CRYL1: variants seen among roughly 807,000 people sequenced by gnomAD.
CRYL1 encodes lambda-crystallin homolog.
A neutral mutation model predicts 36.6 loss-of-function variants in CRYL1; 29 were observed. The ratio of observed to expected loss-of-function variants is 0.79; its 90% CI spans 0.59 to 1.08. The LOEUF (loss-of-function observed/expected upper bound fraction) is 1.08, where lower values mean the gene tolerates loss of function less well. CRYL1 is among the 50% of genes least tolerant of loss of function. The pLI is 0.00. For synonymous variants in CRYL1, 152 were observed against 151.5 expected (o/e 1.00, Z -0.02); for missense variants, 411 against 407.9 (o/e 1.01, Z -0.06).
chr13:20,525,287 T>A lies in CRYL1; in HGVS notation c.41+467A>T, dbSNP rs1356223049. Among the ~76,000 whole-genome samples, 1 of 152,182 alleles carries A rather than the reference T, an allele frequency of 6.6e-6. No homozygotes were observed. Among genetic ancestry groups the A allele is most frequent in the Non-Finnish European group, 1.5e-5 (1 of 68,026 alleles). On this transcript the variant is annotated intron_variant, in intron 1 of 7. Coordinates refer to ENST00000298248, the MANE Select transcript of CRYL1 (RefSeq NM_015974.3). The surrounding 1 kb of genome is among the most constrained non-coding windows in gnomAD (Gnocchi z 4.3). Reference sequence around the variant, plus strand: ...CCCTGCTGGGCTAGTCCTGTCTCCGTCACTAAACGCCTGTGACCTTAGGTA... The same window carrying A: ...CCCTGCTGGGCTAGTCCTGTCTCCGACACTAAACGCCTGTGACCTTAGGTA...
chr13:20,516,544 A>G (rs1388048738), intron 1 of CRYL1, among the ~76,000 whole-genome samples: 3 of 151,636 alleles, frequency 2.0e-5, no homozygotes, highest in Non-Finnish European at 4.4e-5. Flanking sequence ...CTGTGGGGGT[A>G]TCTCGGCTCA....
In CRYL1 at chr13:20,415,036, G is replaced by A. The variant is rs746751501; in HGVS notation, c.634-1649C>T. Among the ~76,000 whole-genome samples the A allele has an allele frequency of 1.3e-5, 2 of 152,108 alleles. No homozygotes were observed. The highest frequency in any genetic ancestry group is 3.9e-4 in the East Asian group (2 of 5,170). On this transcript the variant is annotated intron_variant, in intron 5 of 7. Transcript: ENST00000298248. This position sits in a 1 kb window ranked among gnomAD's most constrained non-coding sequence, Gnocchi z 4.1. ...CGCCTGCGAGAGCCCGACCGTGGAC[G>A]ATGCGTCGCGCCCTTCCCATCGCGG...
At chr13:20,430,838 T>C (rs12583181) in intron 5 of CRYL1, 4 of 985,294 alleles carry the variant, frequency 4.1e-6, no homozygotes, top group East Asian at 2.3e-4. Context: ...TCTAGACAAA[T>C]GGAAATATTT....
intron 3 of CRYL1, among the ~76,000 whole-genome samples, chr13:20,452,309 G>A (rs1236441460): frequency 6.8e-6 from 1 of 148,032 alleles, no homozygotes; most frequent in Non-Finnish European, 1.5e-5. Context: ...TACTTTAAAT[G>A]TATGGACTTA....
intron 5 of CRYL1, chr13:20,426,752 T>C (rs973870108): frequency 2.0e-6 from 2 of 985,380 alleles, no homozygotes; most frequent in Non-Finnish European, 1.2e-6. Flanking sequence ...ACTAAAACAA[T>C]GTCTCCTAAC....
At chr13:20,448,322 A>G (rs1031137340) in intron 3 of CRYL1, among the ~76,000 whole-genome samples, 1 of 152,156 alleles carries the variant, frequency 6.6e-6, no homozygotes, top group African/African-American at 2.4e-5. Flanking sequence ...ATAATCTAAC[A>G]TATGTGTAAT....
intron 5 of CRYL1, chr13:20,431,784 G>C: frequency 7.9e-7 from 1 of 1,265,672 alleles, no homozygotes; most frequent in East Asian, 4.1e-5. Flanking sequence ...GCCTCTGTGG[G>C]AAAATGCAGT....
Position 20,415,032 on chromosome 13 carries a change from G to A in CRYL1, c.634-1645C>T, listed in dbSNP as rs374125278. Among the ~76,000 whole-genome samples, 73 of 152,330 alleles carry A rather than the reference G, an allele frequency of 4.8e-4. No individual in the cohort carries two copies. The highest frequency in any genetic ancestry group is 1.7e-3 in the African/African-American group (69 of 41,588). On this transcript the variant is annotated intron_variant, in intron 5 of 7. Transcript: ENST00000298248. This position sits in a 1 kb window ranked among gnomAD's most constrained non-coding sequence, Gnocchi z 4.1. ...GGCCCGCCTGCGAGAGCCCGACCGT[G>A]GACGATGCGTCGCGCCCTTCCCATC...
Position 20,446,597 on chromosome 13 carries a change from T to C in CRYL1, c.277-6843A>G, listed in dbSNP as rs2032461661. 3.3e-5 allele frequency among the ~76,000 whole-genome samples: 5 copies of C among 152,234 alleles called. 1 individual carries two copies. The highest frequency in any genetic ancestry group is 3.3e-4 in the Admixed American group (5 of 15,274). ...GAACTAGCCAGACCAGAGAATCAGC[T>C]GATGACCAATAGGGTGACAAAAGCT... On this transcript the variant is annotated intron_variant, in intron 3 of 7. Coordinates refer to ENST00000298248, the MANE Select transcript of CRYL1 (RefSeq NM_015974.3).
intron 3 of CRYL1, among the ~76,000 whole-genome samples, chr13:20,466,963 T>TC (rs398117062): frequency 2.0e-5 from 3 of 151,910 alleles, no homozygotes; most frequent in East Asian, 1.9e-4. Flanking sequence ...TTTTTTTTTT[T>TC]CTGAGACGGA....
At chr13:20,446,712 A>AT (rs960716588) in intron 3 of CRYL1, among the ~76,000 whole-genome samples, 30 of 151,236 alleles carry the variant, frequency 2.0e-4, no homozygotes, top group African/African-American at 6.5e-4. Context: ...CACCTCTAGA[A>AT]TTTTTTTTGT....
At chr13:20,505,359 C>CAAAAAAAAAAAAAAT (rs2033775721) in intron 2 of CRYL1, among the ~76,000 whole-genome samples, 1 of 91,222 alleles carries the variant, frequency 1.1e-5, no homozygotes, top group Non-Finnish European at 2.3e-5. Flanking sequence ...TCTATCCCAC[C>CAAAAAAAAAAAAAAT]AAAAAAAAAA....
chr13:20,416,345 T>C (rs1325788673), intron 5 of CRYL1, among the ~76,000 whole-genome samples: 1 of 152,140 alleles, frequency 6.6e-6, no homozygotes, highest in Non-Finnish European at 1.5e-5. Flanking sequence ...CTGGGGGATA[T>C]CTACCTAAGG....
chr13:20,426,552 T>C lies in CRYL1; in HGVS notation c.633+5550A>G, dbSNP rs147604649. On this transcript the variant is annotated intron_variant, in intron 5 of 7. Coordinates refer to ENST00000298248, the MANE Select transcript of CRYL1 (RefSeq NM_015974.3). ...TGGTTAGAGCTGCATGTGTATCTATTGTGAGCTTGCGGTCAGAGAGAAGGA... is the reference window on the plus strand; with the variant it reads ...TGGTTAGAGCTGCATGTGTATCTATCGTGAGCTTGCGGTCAGAGAGAAGGA... 9.0e-4 allele frequency: 254 copies of C among 281,222 alleles called. 2 individuals carry two copies. Among genetic ancestry groups the C allele is most frequent in the African/African-American group, 5.4e-3 (237 of 43,842 alleles). 17.4% of individuals were successfully genotyped at this position (281,222 alleles called of 1,614,324 possible).
intron 3 of CRYL1, among the ~76,000 whole-genome samples, chr13:20,482,854 A>G (rs1282416793): frequency 6.6e-6 from 1 of 152,236 alleles, no homozygotes; most frequent in East Asian, 1.9e-4. Flanking sequence ...TTTTTATAAG[A>G]AAACCACAGC....
chr13:20,409,546 C>T (rs1234493817), intron 6 of CRYL1, among the ~76,000 whole-genome samples: 8 of 150,886 alleles, frequency 5.3e-5, no homozygotes, highest in Non-Finnish European at 1.2e-4. Flanking sequence ...TCTAATTAAA[C>T]TCAAGAGCTT....
intron 3 of CRYL1, among the ~76,000 whole-genome samples, chr13:20,483,934 A>C (rs1293906635): frequency 1.3e-5 from 2 of 152,130 alleles, no homozygotes; most frequent in Admixed American, 1.3e-4. Context: ...CCCCTGCCTC[A>C]GCCTCCCGGG....
intron 3 of CRYL1, among the ~76,000 whole-genome samples, chr13:20,469,665 C>A (rs4238155): frequency 4.6e-5 from 7 of 152,130 alleles, no homozygotes; most frequent in African/African-American, 1.7e-4. Flanking sequence ...AAGCAAGATG[C>A]CTGTATGACC....
chr13:20,411,261 C>G (rs2031515750), intron 6 of CRYL1, among the ~76,000 whole-genome samples: 1 of 152,200 alleles, frequency 6.6e-6, no homozygotes. Flanking sequence ...AAGTTGAAAA[C>G]TACATCCGTC....
Sources: allele counts gnomAD v4.1 joint callset (sites outside exome capture counted in the v4.1 genomes callset), GRCh38; gene constraint gnomAD v4.1.1; non-coding constraint Gnocchi (gnomAD v3.1); transcripts MANE v1.5; gene names NCBI Gene and HGNC (gene_info 2026-07-23, HGNC 2026-07-21).